The following PELI2 variants were observed in gnomAD, a reference collection of about 807,000 sequenced individuals.
PELI2 encodes the protein pellino E3 ubiquitin protein ligase family member 2.
In PELI2, 23 loss-of-function variants were observed where a neutral mutation model predicts 42.3. That is an observed-to-expected ratio of 0.54 (90% confidence interval 0.39 to 0.77). The LOEUF (loss-of-function observed/expected upper bound fraction) is 0.77, where lower values mean the gene tolerates loss of function less well. Ranked by LOEUF, PELI2 falls within the 30% of genes least tolerant of loss-of-function variation. PELI2 has a pLI of 0.00. For missense variants in PELI2, 463 were observed against 553.2 expected (o/e 0.84, Z 1.64); for synonymous variants, 245 against 212.2 (o/e 1.15, Z -1.34).
chr14:56,245,397 A>T (rs907902100), intron 2 of PELI2, among the ~76,000 whole-genome samples: 3 of 152,224 alleles, frequency 2.0e-5, no homozygotes, highest in African/African-American at 7.2e-5. Flanking sequence ...AAATTAATTT[A>T]AAAATATATT....
At chr14:56,237,278 C>A (rs144340986) in intron 2 of PELI2, among the ~76,000 whole-genome samples, 1 of 152,132 alleles carries the variant, frequency 6.6e-6, no homozygotes. Context: ...CAATTAATTC[C>A]TAAGAAATCA....
intron 1 of PELI2, among the ~76,000 whole-genome samples, chr14:56,137,643 A>G (rs1307821644): frequency 6.6e-6 from 1 of 152,196 alleles, no homozygotes; most frequent in East Asian, 1.9e-4. Context: ...GTTATGAAAA[A>G]ACACTCACAT....
chr14:56,162,086 G>T (rs922625610), intron 1 of PELI2, among the ~76,000 whole-genome samples: 1 of 152,088 alleles, frequency 6.6e-6, no homozygotes, highest in Non-Finnish European at 1.5e-5. Context: ...GGAGAACAGG[G>T]TATCCATCCC....
intron 2 of PELI2, among the ~76,000 whole-genome samples, chr14:56,237,287 CAATT>C (rs1321262121): frequency 2.6e-5 from 4 of 152,088 alleles, no homozygotes; most frequent in African/African-American, 7.2e-5. Context: ...CCTAAGAAAT[CAATT>C]AATTATTTAT....
In PELI2 at chr14:56,247,885, G is replaced by A. The variant is rs1422226510; in HGVS notation, c.208-31791G>A. 5.9e-5 allele frequency among the ~76,000 whole-genome samples: 9 copies of A among 152,182 alleles called. No individual in the cohort carries two copies. The East Asian group carries it at 1.5e-3, about 26-fold the overall frequency. On this transcript the variant is annotated intron_variant, in intron 2 of 5. Transcript: ENST00000267460. The stretch of plus-strand genomic sequence containing the variant: ...GTAATCTTTGCTACCCAGTCTGGAA[G>A]GATGACACTATATTCTATATTTGGA...
chr14:56,287,972 T>G (rs1164238297), intron 3 of PELI2, among the ~76,000 whole-genome samples: 1 of 152,192 alleles, frequency 6.6e-6, no homozygotes, highest in East Asian at 1.9e-4. Context: ...TTACAGTTGT[T>G]GGGATAGAAC....
chr14:56,147,088 A>G (rs1002224651), intron 1 of PELI2, among the ~76,000 whole-genome samples: 2 of 152,342 alleles, frequency 1.3e-5, no homozygotes, highest in East Asian at 3.9e-4. Context: ...TCCACTTAAC[A>G]TAATGTTTTC....
chr14:56,297,359 A>G lies in PELI2; in HGVS notation c.*193A>G. 1 of 536,738 alleles carries G rather than the reference A, an allele frequency of 1.9e-6. No individual in the cohort carries two copies. The highest frequency in any genetic ancestry group is 2.8e-5 in the East Asian group (1 of 35,188). The allele number at this position is 536,738 out of a possible 1,614,324, so 33.2% of individuals were successfully genotyped here. A position where few individuals can be genotyped will look rare whatever the true frequency, so the allele number is the denominator to read the frequency against. ...CAGTGGTGTGTTGCATGCTCAAAAC[A>G]GCAGCGTCGTCATTGAAGTCTGCTT... On this transcript the variant is annotated 3_prime_UTR_variant, in exon 6 of 6. Transcript: ENST00000267460.
At chr14:56,237,808 T>G (rs1017840745) in intron 2 of PELI2, among the ~76,000 whole-genome samples, 1 of 151,698 alleles carries the variant, frequency 6.6e-6, no homozygotes, top group African/African-American at 2.4e-5. Flanking sequence ...GTTGTCTGTG[T>G]CTTTCTGTGT....
At chr14:56,250,022 C>T (rs546341637) in intron 2 of PELI2, among the ~76,000 whole-genome samples, 58 of 152,270 alleles carry the variant, frequency 3.8e-4, no homozygotes, top group Admixed American at 7.2e-4. Flanking sequence ...CAGAAGTCCC[C>T]TTTGCCTGTA....
intron 1 of PELI2, among the ~76,000 whole-genome samples, chr14:56,120,412 C>A (rs1361305154): frequency 6.6e-6 from 1 of 152,166 alleles, no homozygotes; most frequent in Non-Finnish European, 1.5e-5. Flanking sequence ...GTTTTGTGTT[C>A]ATAGCTGGAA....
At chr14:56,276,131 A>T (rs1293738458) in intron 2 of PELI2, among the ~76,000 whole-genome samples, 1 of 152,244 alleles carries the variant, frequency 6.6e-6, no homozygotes, top group Non-Finnish European at 1.5e-5. Context: ...AAAAAGTTCA[A>T]TGCCATATGT....
intron 1 of PELI2, among the ~76,000 whole-genome samples, chr14:56,177,616 C>G (rs1163673353): frequency 1.3e-5 from 2 of 152,146 alleles, no homozygotes; most frequent in Non-Finnish European, 2.9e-5. Context: ...CTTTTAAGCA[C>G]TGGTATTAGC....
intron 2 of PELI2, among the ~76,000 whole-genome samples, chr14:56,268,390 C>T (rs1888979011): frequency 6.6e-6 from 1 of 152,128 alleles, no homozygotes; most frequent in Non-Finnish European, 1.5e-5. Context: ...TCATATGCAT[C>T]CTTTAAAGCA....
At chr14:56,229,040 A>G (rs976724329) in intron 2 of PELI2, among the ~76,000 whole-genome samples, 2 of 152,244 alleles carry the variant, frequency 1.3e-5, no homozygotes, top group African/African-American at 4.8e-5. Flanking sequence ...GATGGCAGCA[A>G]GGCTCGGGGA....
At chr14:56,188,736 A>G (rs1885857429) in intron 2 of PELI2, among the ~76,000 whole-genome samples, 1 of 152,200 alleles carries the variant, frequency 6.6e-6, no homozygotes, top group Non-Finnish European at 1.5e-5. Flanking sequence ...TTTTTAAATT[A>G]TGAAAAGCAG....
rs4038318 is a variant in PELI2 at position 56,197,969 on chromosome 14, GACACACACACACACACACACAC to G, written c.207+19528_207+19549del. ...CACACCAGGGATCATGACTGGTGAA[GACACACACACACACACACACAC>G]ACACACACACACACACACACACCCA... On this transcript the variant is annotated intron_variant, in intron 2 of 5. Transcript: ENST00000267460. The surrounding 1 kb of genome is among the most constrained non-coding windows in gnomAD (Gnocchi z 4.9). Among the ~76,000 whole-genome samples, 9 of 129,702 alleles carry G rather than the reference GACACACACACACACACACACAC, an allele frequency of 6.9e-5. No homozygotes were observed. The highest frequency in any genetic ancestry group is 9.6e-5 in the Non-Finnish European group (6 of 62,242). 85.1% of individuals were successfully genotyped at this position (129,702 alleles called of 152,430 possible). A position where few individuals can be genotyped will look rare whatever the true frequency, so the allele number is the denominator to read the frequency against.
At chr14:56,296,328 A>G (rs1889999654) in intron 5 of PELI2, among the ~76,000 whole-genome samples, 1 of 152,224 alleles carries the variant, frequency 6.6e-6, no homozygotes, top group Non-Finnish European at 1.5e-5. Flanking sequence ...AGTTCATTAA[A>G]ATAACCACTA....
At chr14:56,166,836 G>A (rs918299062) in intron 1 of PELI2, among the ~76,000 whole-genome samples, 38 of 151,882 alleles carry the variant, frequency 2.5e-4, no homozygotes, top group East Asian at 1.9e-4. Flanking sequence ...CTCCCAGGAT[G>A]GAGTGCAGTG....
Sources: gnomAD v4.1 joint callset for allele counts (sites outside exome capture counted in the v4.1 genomes callset) on GRCh38, gnomAD v4.1.1 for gene constraint, Gnocchi (gnomAD v3.1) non-coding constraint, MANE v1.5 for transcripts, NCBI Gene and HGNC (gene_info 2026-07-23, HGNC 2026-07-21) for gene names.